SMARCD2: variants seen among roughly 807,000 people sequenced by gnomAD.
SMARCD2 encodes the protein SWI/SNF related BAF chromatin remodeling complex subunit D2, also known as SWI/SNF-related matrix-associated actin-dependent regulator of chromatin subfamily D member 2.
In SMARCD2, 39 loss-of-function variants were observed where a neutral mutation model predicts 70.4. That is an observed-to-expected ratio of 0.55 (90% CI 0.43 to 0.72). SMARCD2 has a LOEUF of 0.72. Ranked by LOEUF, SMARCD2 falls within the 30% of genes least tolerant of loss-of-function variation. The pLI, the probability that SMARCD2 is intolerant of heterozygous loss-of-function variation, is 0.00. For synonymous variants in SMARCD2, 249 were observed against 279.4 expected (o/e 0.89, Z 1.08); for missense variants, 540 against 713.4 (o/e 0.76, Z 2.77).
At chr17:63,835,061 C>A in intron 5 of SMARCD2, 1 of 545,776 alleles carries the variant, frequency 1.8e-6, no homozygotes. Context: ...CAACCTCCAA[C>A]GGGCTTGGAG....
rs773497604 is a variant in SMARCD2 at position 63,837,585 on chromosome 17, C to G, written c.257G>C (p.Gly86Ala). Reference protein sequence around the residue: ...MSPGNRMPMAGLQVGPPAGSP... With the variant: ...MSPGNRMPMAALQVGPPAGSP... ...GCCAGCAGGGGGTCCCACCTGCAAG[C>G]CAGCCATGGGCATCCGGTTCCCTGG... The change falls in exon 2 of 13, where the codon GGC (glycine) becomes GCC (alanine). Residue 86 changes from glycine to alanine, a missense_variant. Transcript: ENST00000448276. The surrounding 1 kb of genome is among the most constrained non-coding windows in gnomAD (Gnocchi z 6.4). 6.2e-7 allele frequency: 1 copy of G among 1,613,000 alleles called. No homozygotes were observed. The highest frequency in any genetic ancestry group is 1.3e-5 in the African/African-American group (1 of 75,024).
At chr17:63,838,476 G>A in intron 1 of SMARCD2, 1 of 802,362 alleles carries the variant, frequency 1.2e-6, no homozygotes, top group East Asian at 3.3e-5. Context: ...CTGGCTCCGT[G>A]TAGCCCTGGC....
At position 63,832,588 on chromosome 17, in the gene SMARCD2, G is replaced by C. The variant is rs943761589; in HGVS notation, c.*350C>G. The C allele has an allele frequency of 2.7e-6, 1 of 374,136 alleles. No homozygotes were observed. The highest frequency in any genetic ancestry group is 5.0e-6 in the Non-Finnish European group (1 of 198,242). 23.2% of individuals were successfully genotyped at this position (374,136 alleles called of 1,614,324 possible). On this transcript the variant is annotated 3_prime_UTR_variant, in exon 13 of 13. Coordinates refer to ENST00000448276, the MANE Select transcript of SMARCD2 (RefSeq NM_001098426.2). Reference sequence around the variant, plus strand: ...TTCCTAGCCCAGCTCCCCAGAGCCAGCTCTGACCCTCGCCCCAGGGGGAGT... The same window carrying C: ...TTCCTAGCCCAGCTCCCCAGAGCCACCTCTGACCCTCGCCCCAGGGGGAGT...
chr17:63,834,300 A>G lies in SMARCD2; in HGVS notation c.950T>C (p.Leu317Ser). The G allele has an allele frequency of 6.2e-7, 1 of 1,612,470 alleles. No homozygotes were observed. The highest frequency in any genetic ancestry group is 2.2e-5 in the East Asian group (1 of 44,864). ...CGTGTGCACTCCCAGCAGCCTTGCC[A>G]ATCGGGGGTCCAATTTGTACTGGGG... ...QPPQYKLDPRLARLLGVHTQT... is the reference protein window; with the variant it reads ...QPPQYKLDPRSARLLGVHTQT... Residue 317 changes from leucine to serine, a missense_variant, in exon 8 of 13, where the codon TTG becomes TCG. Coordinates refer to ENST00000448276, the MANE Select transcript of SMARCD2 (RefSeq NM_001098426.2). The surrounding 1 kb of genome is among the most constrained non-coding windows in gnomAD (Gnocchi z 5.6).
rs771041652 is a variant in SMARCD2, at chr17:63,837,442, C to G, written c.400G>C (p.Gly134Arg). The change falls in exon 2 of 13, where the codon GGG (glycine) becomes CGG (arginine). Residue 134 changes from glycine (G) to arginine (R), a missense_variant and splice_region_variant. Transcript: ENST00000448276. This position sits in a 1 kb window ranked among gnomAD's most constrained non-coding sequence, Gnocchi z 6.4. ...GTGAGAGAAGCAGGATGCTCTTACC[C>G]CCGGCGCTGGGCAGGCATGGGAGGC... ...AQPPMPAQRR[G>R]LKRRKMADKV... 1.3e-6 allele frequency: 2 copies of G among 1,572,370 alleles called. No homozygotes were observed. The highest frequency in any genetic ancestry group is 1.8e-5 in the Admixed American group (1 of 56,308).
At position 63,835,514 on chromosome 17, in the gene SMARCD2, C is replaced by A. The variant is rs200160126; in HGVS notation, c.621G>T (p.Ala207=). Residue 207 remains alanine (A), a synonymous_variant, in exon 5 of 13, where the codon GCG becomes GCT. Transcript: ENST00000448276. ...YISNTFSPSK[A]EGDSAGTAGT... is the part of the protein sequence containing the mutation. ...CTGCAGTTCCTGCACTATCGCCTTC[C>A]GCCTTGCTGGGACTGAACGTATTGG... 220 of 1,613,924 alleles carry A rather than the reference C, an allele frequency of 1.4e-4. No homozygotes were observed. Among genetic ancestry groups the A allele is most frequent in the Non-Finnish European group, 1.8e-4 (215 of 1,179,886 alleles).
At position 63,834,261 on chromosome 17, in the gene SMARCD2, G is replaced by T; in HGVS notation, c.989C>A (p.Ala330Asp). 1 of 1,610,764 alleles carries T rather than the reference G, an allele frequency of 6.2e-7. No homozygotes were observed. Among genetic ancestry groups the T allele is most frequent in the Non-Finnish European group, 8.5e-7 (1 of 1,178,610 alleles). ...GTAAAGCCACAGGGCCTGCATGATGGCGGCCCTCGTCTGCGTGTGCACTCC... is the reference window on the plus strand; with the variant it reads ...GTAAAGCCACAGGGCCTGCATGATGTCGGCCCTCGTCTGCGTGTGCACTCC... The part of the protein sequence containing the change: ...LLGVHTQTRA[A>D]IMQALWLYIK... The change falls in exon 8 of 13, where the codon GCC (alanine) becomes GAC (aspartate). Residue 330 changes from alanine (A) to aspartate (D), a missense_variant. By Grantham distance (126) the Ala-to-Asp change is moderately radical. Coordinates refer to ENST00000448276, the MANE Select transcript of SMARCD2 (RefSeq NM_001098426.2). The surrounding 1 kb of genome is among the most constrained non-coding windows in gnomAD (Gnocchi z 5.6).
rs774932788 is a variant in SMARCD2 at position 63,837,537 on chromosome 17, G to A, written c.305C>T (p.Pro102Leu). ...GGTGGGTGGCATGCCAGGTCGAAGC[G>A]GAGCTGCTGCACCAAATGGGGAGCC... is the stretch of plus-strand genomic sequence containing the variant. Reference protein sequence around the residue: ...PAGSPFGAAAPLRPGMPPTMM... With the variant: ...PAGSPFGAAALLRPGMPPTMM... The change falls in exon 2 of 13, where the codon CCG becomes CTG. Residue 102 changes from proline (P) to leucine (L), a missense_variant. Coordinates refer to ENST00000448276, the MANE Select transcript of SMARCD2 (RefSeq NM_001098426.2). This position sits in a 1 kb window ranked among gnomAD's most constrained non-coding sequence, Gnocchi z 6.4. 1.2e-6 allele frequency: 2 copies of A among 1,610,056 alleles called. No individual in the cohort carries two copies. Among genetic ancestry groups the A allele is most frequent in the Non-Finnish European group, 8.5e-7 (1 of 1,177,988 alleles).
chr17:63,837,042 G>C lies in SMARCD2; in HGVS notation c.447C>G (p.Ile149Met). 6.2e-7 allele frequency: 1 copy of C among 1,613,386 alleles called. No homozygotes were observed. Among genetic ancestry groups the C allele is most frequent in the East Asian group, 2.2e-5 (1 of 44,860 alleles). The change falls in exon 4 of 13, where the codon ATC becomes ATG. Residue 149 changes from isoleucine to methionine, a missense_variant and splice_region_variant. Ile to Met is a conservative substitution (Grantham distance 10, BLOSUM62 1). Coordinates refer to ENST00000448276, the MANE Select transcript of SMARCD2 (RefSeq NM_001098426.2). The surrounding 1 kb of genome is among the most constrained non-coding windows in gnomAD (Gnocchi z 6.4). ...KMADKVLPQR[I>M]RELVPESQAY... ...CCTGAGACTCTGGAACAAGCTCCCG[G>C]ATCTGAAGGAAGGTAGCAGAAGCTC...
chr17:63,842,561 G>A lies in SMARCD2; in HGVS notation c.114C>T (p.Pro38=). 3.3e-6 allele frequency: 4 copies of A among 1,205,664 alleles called. No individual in the cohort carries two copies. The highest frequency in any genetic ancestry group is 4.1e-6 in the Non-Finnish European group (4 of 971,564). The allele number at this position is 1,205,664 out of a possible 1,614,324, so 74.7% of individuals were successfully genotyped here. Residue 38 remains proline (P), a synonymous_variant, in exon 1 of 13, where the codon CCC becomes CCT. Transcript: ENST00000448276. ...PPPPAGPGML[P]GPALRGPGPA... ...GACCCGGTCCCCGGAGCGCCGGTCC[G>A]GGCAGCATGCCGGGTCCCGCGGGGG...
Position 63,833,153 on chromosome 17 carries a change from A to G in SMARCD2, c.1458T>C (p.Ile486=). Residue 486 remains isoleucine (I), a synonymous_variant, in exon 12 of 13, where the codon ATT becomes ATC. Transcript: ENST00000448276. The surrounding 1 kb of genome is among the most constrained non-coding windows in gnomAD (Gnocchi z 4.3). The part of the protein sequence containing the change: ...RRDLKIITDV[I]GNPEEERRAA... ...CTCGTCTCTCCTCCTCAGGATTTCC[A>G]ATCACATCAGTGATGATCTGCAAAG... The G allele has an allele frequency of 6.2e-7, 1 of 1,608,448 alleles. No individual in the cohort carries two copies. The highest frequency in any genetic ancestry group is 8.5e-7 in the Non-Finnish European group (1 of 1,177,298).
intron 4 of SMARCD2, 70 bp downstream of exon 4, chr17:63,836,851 GC>G: frequency 1.3e-6 from 2 of 1,520,128 alleles, no homozygotes; most frequent in Non-Finnish European, 1.8e-6. Flanking sequence ...AACTTGCTTG[GC>G]CCCTGGAAAA....
At chr17:63,842,192 C>T (rs1598361698) in intron 1 of SMARCD2, among the ~76,000 whole-genome samples, 1 of 152,216 alleles carries the variant, frequency 6.6e-6, no homozygotes, top group East Asian at 1.9e-4. Context: ...TCCCCAAACT[C>T]CTCCATCTCC....
rs1316169909 is a variant in SMARCD2 at position 63,837,693 on chromosome 17, C to A, written c.217-68G>T. Reference sequence around the variant, plus strand: ...GGCCCTCCGGGACCCATAGCCCATGCCCTCCATCCCTCTCGTCAGCCAGGT... The same window carrying A: ...GGCCCTCCGGGACCCATAGCCCATGACCTCCATCCCTCTCGTCAGCCAGGT... On this transcript the variant is annotated intron_variant, in intron 1 of 12. Transcript: ENST00000448276. This position sits in a 1 kb window ranked among gnomAD's most constrained non-coding sequence, Gnocchi z 6.4. 7.7e-7 allele frequency: 1 copy of A among 1,301,350 alleles called. No individual in the cohort carries two copies. Among genetic ancestry groups the A allele is most frequent in the Non-Finnish European group, 1.1e-6 (1 of 935,688 alleles). 80.6% of individuals were successfully genotyped at this position (1,301,350 alleles called of 1,614,324 possible). A position where few individuals can be genotyped will look rare whatever the true frequency, so the allele number is the denominator to read the frequency against.
intron 5 of SMARCD2, chr17:63,835,031 A>G: frequency 1.7e-6 from 1 of 578,338 alleles, no homozygotes; most frequent in Non-Finnish European, 3.1e-6. Context: ...CTGCAGGAAC[A>G]CTGTAATAAC....
At chr17:63,836,195 C>A (rs2040263231) in intron 4 of SMARCD2, among the ~76,000 whole-genome samples, 1 of 152,042 alleles carries the variant, frequency 6.6e-6, no homozygotes, top group Non-Finnish European at 1.5e-5. Flanking sequence ...CCTGGAAAGG[C>A]TTCACCACTC....
Position 63,832,972 on chromosome 17 carries a change from T to A in SMARCD2, c.1562A>T (p.Glu521Val). 2 of 1,582,060 alleles carry A rather than the reference T, an allele frequency of 1.3e-6. No individual in the cohort carries two copies. The highest frequency in any genetic ancestry group is 1.7e-6 in the Non-Finnish European group (2 of 1,165,480). ...IFAKVQQRRQ[E>V]LEQVLGIRLT ...GCGAATTCCCAGCACCTGTTCCAGT[T>A]CCTGCCTTCGCTGCTGCACCTGGAG... The change falls in exon 13 of 13, where the codon GAA becomes GTA. Residue 521 changes from glutamate (E) to valine (V), a missense_variant. Physicochemically the swap from Glu to Val is moderately radical, Grantham distance 121. Transcript: ENST00000448276.
rs1233118129 is a variant in SMARCD2, at chr17:63,834,383, A to T, written c.922-55T>A. On this transcript the variant is annotated intron_variant, in intron 7 of 12. Coordinates refer to ENST00000448276, the MANE Select transcript of SMARCD2 (RefSeq NM_001098426.2). This position sits in a 1 kb window ranked among gnomAD's most constrained non-coding sequence, Gnocchi z 5.6. ...GGTTCTTATAGTAGAACAGTGGGAA[A>T]ATAGGGCAGGGACAGGAAGGGTTTC... 1 of 1,585,962 alleles carries T rather than the reference A, an allele frequency of 6.3e-7. No individual in the cohort carries two copies. The highest frequency in any genetic ancestry group is 8.6e-7 in the Non-Finnish European group (1 of 1,159,116).
Position 63,842,612 on chromosome 17 carries a change from C to T in SMARCD2, c.63G>A (p.Val21=), listed in dbSNP as rs1179788275. ...GAGGCGGCGCTCCCAGGGCCGCAGC[C>T]ACGGCGCCGCCGCCAGGGCTTAGCG... ...LPPLSPGGGA[V]AAALGAPPPP... Residue 21 remains valine (V), a synonymous_variant, in exon 1 of 13, where the codon GTG becomes GTA. Transcript: ENST00000448276. 11 of 1,226,338 alleles carry T rather than the reference C, an allele frequency of 9.0e-6. No homozygotes were observed. Among genetic ancestry groups the T allele is most frequent in the Non-Finnish European group, 1.1e-5 (11 of 984,904 alleles). 76.0% of individuals were successfully genotyped at this position (1,226,338 alleles called of 1,614,324 possible).
Sources: allele counts gnomAD v4.1 joint callset (sites outside exome capture counted in the v4.1 genomes callset), GRCh38; gene constraint gnomAD v4.1.1; non-coding constraint Gnocchi (gnomAD v3.1); transcripts MANE v1.5; gene names NCBI Gene and HGNC (gene_info 2026-07-23, HGNC 2026-07-21).